CCM2: variants seen among roughly 807,000 people sequenced by gnomAD.
CCM2 encodes the protein cerebral cavernous malformations 2 protein.
CCM2 carries 25 observed loss-of-function variants against 44.9 expected under a neutral mutation model. That is an observed-to-expected ratio of 0.56 (90% CI 0.41 to 0.78). The LOEUF is 0.78. Among genes scored for constraint, CCM2 ranks in the 30% least tolerant of loss-of-function variants. The probability of loss-of-function intolerance (pLI) is 0.00; values close to 1 mark genes in which losing one functional copy is unlikely to be tolerated. For missense variants in CCM2, 481 were observed against 580.6 expected, an observed-to-expected ratio of 0.83 and a Z score of 1.76; for synonymous variants, 219 against 241.1, an observed-to-expected ratio of 0.91 and a Z score of 0.85.
intron 2 of CCM2, among the ~76,000 whole-genome samples, chr7:45,043,026 G>T (rs2128732979): frequency 6.8e-6 from 1 of 147,558 alleles, no homozygotes; most frequent in Non-Finnish European, 1.5e-5. Flanking sequence ...ATGTTAGAGT[G>T]CAGTGGCATG....
Position 45,036,709 on chromosome 7 carries a change from A to G in CCM2, c.31-1544A>G, listed in dbSNP as rs142374361. Among the ~76,000 whole-genome samples the G allele has an allele frequency of 2.8e-3, 427 of 152,286 alleles. 7 individuals are homozygous for G. The highest frequency in any genetic ancestry group is 0.025 in the Admixed American group (378 of 15,296). On this transcript the variant is annotated intron_variant, in intron 1 of 9. Transcript: ENST00000258781. Reference sequence around the variant, plus strand: ...TCCTTATAGGACCACAGGTTCTGCTACACCGTTTTATATTGGATTTTGCAT... The same window carrying G: ...TCCTTATAGGACCACAGGTTCTGCTGCACCGTTTTATATTGGATTTTGCAT...
intron 1 of CCM2, among the ~76,000 whole-genome samples, chr7:45,030,447 G>A (rs570891268): frequency 5.9e-5 from 9 of 152,166 alleles, no homozygotes; most frequent in Non-Finnish European, 1.2e-4. Context: ...TATTTCCCTC[G>A]TTCCTTCCAG....
intron 1 of CCM2, among the ~76,000 whole-genome samples, chr7:45,034,493 A>T: frequency 7.6e-6 from 1 of 131,632 alleles, no homozygotes; most frequent in East Asian, 2.3e-4. Context: ...GATTATAAGC[A>T]TGTGCCACCA....
At chr7:45,037,298 A>T (rs1371293193) in intron 1 of CCM2, among the ~76,000 whole-genome samples, 1 of 149,456 alleles carries the variant, frequency 6.7e-6, no homozygotes, top group East Asian at 2.0e-4. Flanking sequence ...ACTGATTCTC[A>T]CTCTTTAAGG....
chr7:45,040,372 C>A (rs1797430689), intron 2 of CCM2, among the ~76,000 whole-genome samples: 1 of 151,166 alleles, frequency 6.6e-6, no homozygotes, highest in African/African-American at 2.4e-5. Flanking sequence ...GAGCGAGACT[C>A]CGTCTCAAAA....
intron 4 of CCM2, among the ~76,000 whole-genome samples, chr7:45,065,244 C>G (rs1798717155): frequency 6.6e-6 from 1 of 152,196 alleles, no homozygotes; most frequent in Non-Finnish European, 1.5e-5. Flanking sequence ...CCCAAGCTGC[C>G]CGTTAATTTC....
intron 1 of CCM2, among the ~76,000 whole-genome samples, chr7:45,001,949 T>G (rs1220470885): frequency 6.6e-6 from 1 of 152,216 alleles, no homozygotes; most frequent in Non-Finnish European, 1.5e-5. Flanking sequence ...TTTGTGTTTT[T>G]TCTGTATTCT....
intron 2 of CCM2, among the ~76,000 whole-genome samples, chr7:45,062,490 A>G (rs1329224199): frequency 6.6e-6 from 1 of 152,164 alleles, no homozygotes; most frequent in Non-Finnish European, 1.5e-5. Flanking sequence ...TTTTTACTAA[A>G]TGTTTTGTGC....
At chr7:45,071,775 C>T in intron 6 of CCM2, 1 of 456,730 alleles carries the variant, frequency 2.2e-6, no homozygotes, top group South Asian at 1.5e-5. Context: ...CTTCCACAGT[C>T]ACATCTTCCT....
At position 45,076,056 on chromosome 7, in the gene CCM2, G is replaced by A. The variant is rs1784237867; in HGVS notation, c.1334G>A (p.Ter445=). 8 of 1,612,860 alleles carry A rather than the reference G, an allele frequency of 5.0e-6. No individual in the cohort carries two copies. Among genetic ancestry groups the A allele is most frequent in the African/African-American group, 1.3e-5 (1 of 74,944 alleles). ...TGCAGCATGGACCAGGACTCAGCAT[G>A]ATGGACAGTGGATGGGGGGGCACCC... ...LGCSMDQDSA[*] The change falls in exon 10 of 10, where the codon TGA becomes TAA. Residue 445 remains the stop codon, a stop_retained_variant. Transcript: ENST00000258781.
intron 2 of CCM2, among the ~76,000 whole-genome samples, chr7:45,046,924 A>G (rs755658278): frequency 1.4e-4 from 21 of 152,358 alleles, no homozygotes; most frequent in Non-Finnish European, 2.8e-4. Context: ...ACAGGAGGAG[A>G]TACTTCAATG....
chr7:45,057,482 A>G (rs571535802), intron 2 of CCM2, among the ~76,000 whole-genome samples: 3 of 152,222 alleles, frequency 2.0e-5, no homozygotes, highest in Non-Finnish European at 2.9e-5. Flanking sequence ...TTTCCAATCC[A>G]TTGGTCAGTG....
intron 1 of CCM2, among the ~76,000 whole-genome samples, chr7:45,004,350 A>G (rs1795761218): frequency 6.6e-6 from 1 of 152,198 alleles, no homozygotes; most frequent in Non-Finnish European, 1.5e-5. Flanking sequence ...CTTTACTCAA[A>G]ATAGAAGAAA....
chr7:45,023,141 T>A (rs548848504), intron 1 of CCM2, among the ~76,000 whole-genome samples: 1 of 152,168 alleles, frequency 6.6e-6, no homozygotes, highest in Admixed American at 6.6e-5. Flanking sequence ...CCTTTCTAAG[T>A]CTCCAGTGTC....
At chr7:45,011,195 C>G (rs1186506524) in intron 1 of CCM2, among the ~76,000 whole-genome samples, 1 of 142,102 alleles carries the variant, frequency 7.0e-6, no homozygotes, top group Non-Finnish European at 1.5e-5. Flanking sequence ...CTATGCCCAG[C>G]TAAATTTTTT....
intron 5 of CCM2, 102 bp from the exon 6 acceptor site, chr7:45,069,723 CA>C (rs1200021595): frequency 5.6e-6 from 8 of 1,435,780 alleles, no homozygotes; most frequent in Non-Finnish European, 7.8e-6. Flanking sequence ...ACTCTTCATT[CA>C]TGTTTATTGA....
chr7:45,063,950 C>T lies in CCM2; in HGVS notation c.237C>T (p.Tyr79=). The T allele has an allele frequency of 6.2e-7, 1 of 1,613,218 alleles. No individual in the cohort carries two copies. The highest frequency in any genetic ancestry group is 8.5e-7 in the Non-Finnish European group (1 of 1,179,250). The change falls in exon 3 of 10, where the codon TAC becomes TAT. Residue 79 remains tyrosine, a synonymous_variant. Coordinates refer to ENST00000258781, the MANE Select transcript of CCM2 (RefSeq NM_031443.4). ...YLGQLTSIPG[Y]LNPSSRTEIL... ...GTCAGTTAACGTCCATACCAGGATACCTGAATCCCTCCAGTAGGACTGAAA... is the reference window on the plus strand; with the variant it reads ...GTCAGTTAACGTCCATACCAGGATATCTGAATCCCTCCAGTAGGACTGAAA...
At chr7:45,022,407 C>T (rs111482123) in intron 1 of CCM2, among the ~76,000 whole-genome samples, 6,022 of 146,254 alleles carry the variant, frequency 0.041, 167 homozygotes, top group Middle Eastern at 0.062. Context: ...CCCGGGTTCA[C>T]GCCATTCTCC....
intron 1 of CCM2, among the ~76,000 whole-genome samples, chr7:45,036,425 C>G (rs1030058735): frequency 2.0e-5 from 3 of 152,162 alleles, no homozygotes; most frequent in Non-Finnish European, 4.4e-5. Context: ...GGGTTTTGCT[C>G]TTTGAGGATT....
Sources: gnomAD v4.1 joint callset for allele counts (sites outside exome capture counted in the v4.1 genomes callset) on GRCh38, gnomAD v4.1.1 for gene constraint, MANE v1.5 for transcripts, NCBI Gene and HGNC (gene_info 2026-07-23, HGNC 2026-07-21) for gene names.